SDCCAG8: variants seen among roughly 807,000 people sequenced by gnomAD.
SDCCAG8 encodes serologically defined colon cancer antigen 8.
A neutral mutation model predicts 101.8 loss-of-function variants in SDCCAG8; 74 were observed. That is an observed-to-expected ratio of 0.73 (90% CI 0.60 to 0.88). The LOEUF (loss-of-function observed/expected upper bound fraction) is 0.88. SDCCAG8 is among the 40% of genes least tolerant of loss of function. The pLI, the probability that SDCCAG8 is intolerant of heterozygous loss-of-function variation, is 0.00. For synonymous variants in SDCCAG8, 281 were observed against 292.9 expected, an observed-to-expected ratio of 0.96 and a Z score of 0.41; for missense variants, 787 against 822.6, an observed-to-expected ratio of 0.96 and a Z score of 0.53.
At chr1:243,300,470 A>T (rs1037759633) in intron 6 of SDCCAG8, among the ~76,000 whole-genome samples, 2 of 152,156 alleles carry the variant, frequency 1.3e-5, no homozygotes, top group African/African-American at 4.8e-5. Context: ...CTCAATTCTG[A>T]TAAAAAGCTT....
chr1:243,346,709 A>G (rs2075730340), intron 12 of SDCCAG8, among the ~76,000 whole-genome samples: 1 of 152,176 alleles, frequency 6.6e-6, no homozygotes, highest in Non-Finnish European at 1.5e-5. Flanking sequence ...TGGGCGGATT[A>G]TCCTTCCCAT....
At chr1:243,283,850 C>T (rs894184200) in intron 4 of SDCCAG8, among the ~76,000 whole-genome samples, 6 of 152,178 alleles carry the variant, frequency 3.9e-5, no homozygotes, top group South Asian at 2.1e-4. Flanking sequence ...AAGTGATTCT[C>T]CTGCCTCAGC....
chr1:243,481,828 C>T (rs574328835), intron 16 of SDCCAG8, among the ~76,000 whole-genome samples: 3 of 152,172 alleles, frequency 2.0e-5, no homozygotes, highest in Admixed American at 2.0e-4. Context: ...CTAAAACCTT[C>T]CACTGTAGTC....
chr1:243,299,947 C>T (rs1260082997), intron 6 of SDCCAG8, among the ~76,000 whole-genome samples: 1 of 151,870 alleles, frequency 6.6e-6, no homozygotes, highest in Non-Finnish European at 1.5e-5. Context: ...TCACTACAAC[C>T]TCCGCCTCCC....
chr1:243,480,618 GGGTGGTAT>G (rs1237268748), intron 16 of SDCCAG8, among the ~76,000 whole-genome samples: 1 of 129,814 alleles, frequency 7.7e-6, no homozygotes, highest in Non-Finnish European at 1.6e-5. Flanking sequence ...ATGGATGGAT[GGGTGGTAT>G]GGATGGATGG....
In SDCCAG8 at chr1:243,256,173, C is replaced by T. The variant is rs1470309029; in HGVS notation, c.-1C>T. The T allele has an allele frequency of 2.5e-6, 4 of 1,613,882 alleles. 1 individual carries two copies. In the South Asian group the frequency reaches 3.3e-5, roughly 13 times the overall value. ...CCCAGCTCTGGGCCTAGAGTGCGTG[C>T]ATGGCGAAGTCCCCGGAGAACTCTA... On this transcript the variant is annotated 5_prime_UTR_variant, in exon 1 of 18. Coordinates refer to ENST00000366541, the MANE Select transcript of SDCCAG8 (RefSeq NM_006642.5).
intron 4 of SDCCAG8, among the ~76,000 whole-genome samples, chr1:243,280,691 A>G (rs1278299252): frequency 6.6e-6 from 1 of 152,212 alleles, no homozygotes; most frequent in African/African-American, 2.4e-5. Context: ...TGTGTCATTT[A>G]GAAGAGTGTT....
At chr1:243,297,037 A>G (rs1313717724) in intron 6 of SDCCAG8, among the ~76,000 whole-genome samples, 1 of 152,174 alleles carries the variant, frequency 6.6e-6, no homozygotes, top group Non-Finnish European at 1.5e-5. Flanking sequence ...ATGAACACCT[A>G]TGTGATTATC....
intron 16 of SDCCAG8, among the ~76,000 whole-genome samples, chr1:243,450,130 T>A (rs2083244615): frequency 6.6e-6 from 1 of 152,208 alleles, no homozygotes; most frequent in African/African-American, 2.4e-5. Context: ...ACTGTATTCA[T>A]GGCCTTCGAT....
chr1:243,389,625 T>A (rs933373495), intron 13 of SDCCAG8, among the ~76,000 whole-genome samples: 3 of 152,246 alleles, frequency 2.0e-5, no homozygotes, highest in African/African-American at 7.2e-5. Context: ...ATTTTTATTG[T>A]GTTTTAAAAA....
chr1:243,322,049 T>G (rs1276618729), intron 9 of SDCCAG8, among the ~76,000 whole-genome samples: 1 of 152,240 alleles, frequency 6.6e-6, no homozygotes, highest in African/African-American at 2.4e-5. Context: ...TACCCAGGAA[T>G]GGGATTGCTG....
In SDCCAG8 at chr1:243,489,132, C is replaced by T. The variant is rs182859748; in HGVS notation, c.2104C>T (p.Arg702Trp). 22 of 1,612,296 alleles carry T rather than the reference C, an allele frequency of 1.4e-5. No homozygotes were observed. The East Asian group carries it at 2.0e-4, about 15-fold the overall frequency. Residue 702 changes from arginine (R) to tryptophan (W), a missense_variant, in exon 17 of 18, where the codon CGG becomes TGG. Coordinates refer to ENST00000366541, the MANE Select transcript of SDCCAG8 (RefSeq NM_006642.5). ...CCTGTCGGAAGAGGTGGACCGGCTG[C>T]GGACCCAGGTACTGTGCAGAACGCG... ...QSLSEEVDRL[R>W]TQLPSMPQSD...
At chr1:243,311,152 G>T (rs942184071) in intron 8 of SDCCAG8, among the ~76,000 whole-genome samples, 1 of 152,186 alleles carries the variant, frequency 6.6e-6, no homozygotes, top group African/African-American at 2.4e-5. Flanking sequence ...TTATAATTAT[G>T]TGAACAACCT....
At chr1:243,281,670 G>A (rs12753203) in intron 4 of SDCCAG8, among the ~76,000 whole-genome samples, 4 of 101,812 alleles carry the variant, frequency 3.9e-5, no homozygotes, top group South Asian at 5.5e-4. Flanking sequence ...TTTTTTTTTA[G>A]AGATAGAGTC....
chr1:243,266,943 CAA>C (rs376247572), intron 1 of SDCCAG8, among the ~76,000 whole-genome samples: 18 of 100,586 alleles, frequency 1.8e-4, no homozygotes, highest in African/African-American at 5.9e-4. Flanking sequence ...AACTTCGTCT[CAA>C]AAAAAAAAAA....
At chr1:243,342,555 G>T (rs773251335) in intron 11 of SDCCAG8, among the ~76,000 whole-genome samples, 1 of 152,098 alleles carries the variant, frequency 6.6e-6, no homozygotes, top group African/African-American at 2.4e-5. Flanking sequence ...AGCTTGTATT[G>T]GTGTTGGGTT....
At chr1:243,472,503 G>T (rs185375333) in intron 16 of SDCCAG8, among the ~76,000 whole-genome samples, 2 of 152,328 alleles carry the variant, frequency 1.3e-5, no homozygotes, top group Admixed American at 1.3e-4. Context: ...AAAAACGGAA[G>T]CAAGTAAGAA....
chr1:243,395,645 T>G (rs1000390470), intron 13 of SDCCAG8, among the ~76,000 whole-genome samples: 1 of 152,144 alleles, frequency 6.6e-6, no homozygotes, highest in Non-Finnish European at 1.5e-5. Context: ...GAAGCATGTC[T>G]CAGTACTTAG....
chr1:243,456,795 A>G (rs1446667844), intron 16 of SDCCAG8, among the ~76,000 whole-genome samples: 6 of 152,106 alleles, frequency 3.9e-5, no homozygotes. Context: ...TATTCTGATC[A>G]TATTTAACTT....
Sources: gnomAD v4.1 joint callset for allele counts (sites outside exome capture counted in the v4.1 genomes callset) on GRCh38, gnomAD v4.1.1 for gene constraint, MANE v1.5 for transcripts, NCBI Gene and HGNC (gene_info 2026-07-23, HGNC 2026-07-21) for gene names.